SLC8A1: variants seen among roughly 807,000 people sequenced by gnomAD.
SLC8A1 encodes solute carrier family 8 member A1.
Under a neutral mutation model 68.3 loss-of-function variants are expected in SLC8A1, and 18 were observed. The observed-to-expected ratio is 0.26, with a 90% CI of 0.18 to 0.39. The LOEUF is 0.39. Among genes scored for constraint, SLC8A1 ranks in the 10% least tolerant of loss-of-function variants. The pLI is 1.00. For missense variants in SLC8A1, 985 were observed against 1,156.7 expected (o/e 0.85, Z 2.15); for synonymous variants, 475 against 415.5 (o/e 1.14, Z -1.74).
chr2:40,139,541 G>C, exon 7 of SLC8A1: 1 of 1,614,112 alleles, frequency 6.2e-7, no homozygotes, highest in Non-Finnish European at 8.5e-7. Context: ...AATGAAACAC[G>C]CCCAGCCATT....
chr2:40,459,259 G>C (rs775309041), intron 1 of SLC8A1, among the ~76,000 whole-genome samples: 2 of 152,218 alleles, frequency 1.3e-5, no homozygotes, highest in African/African-American at 2.4e-5. Flanking sequence ...TTTAGGGAAA[G>C]TACTAGTTTA....
intron 1 of SLC8A1, among the ~76,000 whole-genome samples, chr2:40,477,963 A>G (rs937162930): frequency 1.3e-5 from 2 of 152,242 alleles, no homozygotes; most frequent in Non-Finnish European, 2.9e-5. Flanking sequence ...AACTTCTCAG[A>G]AAAAGGTACT....
intron 2 of SLC8A1, among the ~76,000 whole-genome samples, chr2:40,418,335 C>T (rs574070771): frequency 1.3e-5 from 2 of 151,994 alleles, no homozygotes; most frequent in East Asian, 1.9e-4. Flanking sequence ...TAAATTACTT[C>T]CTAGAATATA....
chr2:40,150,534 C>T (rs1428073700), intron 6 of SLC8A1, among the ~76,000 whole-genome samples: 1 of 152,168 alleles, frequency 6.6e-6, no homozygotes, highest in Non-Finnish European at 1.5e-5. Context: ...CACATTGCAG[C>T]AGCCCATGCC....
At chr2:40,203,312 A>AAGAGC (rs2054763883) in intron 2 of SLC8A1, among the ~76,000 whole-genome samples, 1 of 152,014 alleles carries the variant, frequency 6.6e-6, no homozygotes, top group South Asian at 2.1e-4. Flanking sequence ...AAACAAATTA[A>AAGAGC]AGAGCATGGA....
At chr2:40,261,097 T>G (rs533377431) in intron 2 of SLC8A1, among the ~76,000 whole-genome samples, 1 of 152,184 alleles carries the variant, frequency 6.6e-6, no homozygotes, top group South Asian at 2.1e-4. Flanking sequence ...GCACTTGCTG[T>G]GTTGTGAAAA....
At chr2:40,252,541 C>G (rs536766918) in intron 2 of SLC8A1, among the ~76,000 whole-genome samples, 29 of 152,090 alleles carry the variant, frequency 1.9e-4, no homozygotes, top group African/African-American at 6.3e-4. Context: ...ACCATGTTGG[C>G]CAGGAGGGAC....
intron 2 of SLC8A1, among the ~76,000 whole-genome samples, chr2:40,374,523 T>G (rs1679184305): frequency 6.6e-6 from 1 of 152,038 alleles, no homozygotes; most frequent in African/African-American, 2.4e-5. Context: ...TAGGGGTGAC[T>G]TGATTACAGC....
At chr2:40,309,696 G>A (rs1385225961) in intron 2 of SLC8A1, among the ~76,000 whole-genome samples, 1 of 151,976 alleles carries the variant, frequency 6.6e-6, no homozygotes, top group Non-Finnish European at 1.5e-5. Flanking sequence ...AGTAGAGACA[G>A]GGTTTCACTA....
At chr2:40,502,175 C>T (rs1202032975) in intron 1 of SLC8A1, among the ~76,000 whole-genome samples, 1 of 152,056 alleles carries the variant, frequency 6.6e-6, no homozygotes, top group Non-Finnish European at 1.5e-5. Flanking sequence ...AACTTATAGT[C>T]ACTACAAAAC....
intron 2 of SLC8A1, among the ~76,000 whole-genome samples, chr2:40,334,176 A>G (rs973559244): frequency 2.6e-5 from 4 of 152,190 alleles, no homozygotes; most frequent in African/African-American, 9.6e-5. Context: ...GAGACTATCC[A>G]CCTGCCTTGT....
chr2:40,220,917 A>C (rs1372190753), intron 2 of SLC8A1, among the ~76,000 whole-genome samples: 1 of 152,050 alleles, frequency 6.6e-6, no homozygotes, highest in Non-Finnish European at 1.5e-5. Flanking sequence ...TCAGGACCAG[A>C]CAGATTCATA....
chr2:40,272,659 G>A (rs2066190589), intron 2 of SLC8A1, among the ~76,000 whole-genome samples: 1 of 152,240 alleles, frequency 6.6e-6, no homozygotes, highest in Non-Finnish European at 1.5e-5. Context: ...CACAGTTCGA[G>A]TTCCCAGGCA....
At chr2:40,121,158 C>T (rs2036684894) in intron 7 of SLC8A1, among the ~76,000 whole-genome samples, 1 of 152,200 alleles carries the variant, frequency 6.6e-6, no homozygotes, top group Admixed American at 6.5e-5. Flanking sequence ...TGACTGTATT[C>T]TCTCTCTTGG....
At chr2:40,362,455 G>T (rs1257649946) in intron 2 of SLC8A1, among the ~76,000 whole-genome samples, 2 of 151,942 alleles carry the variant, frequency 1.3e-5, no homozygotes, top group Non-Finnish European at 2.9e-5. Flanking sequence ...AATAAAGAAA[G>T]GAAGAAAGAA....
At chr2:40,367,329 A>G (rs1054649231) in intron 2 of SLC8A1, among the ~76,000 whole-genome samples, 2 of 152,020 alleles carry the variant, frequency 1.3e-5, no homozygotes, top group African/African-American at 4.8e-5. Flanking sequence ...GAATTCCCTG[A>G]CACTGACTGA....
intron 1 of SLC8A1, among the ~76,000 whole-genome samples, chr2:40,500,305 C>A (rs1264678747): frequency 1.3e-5 from 2 of 152,032 alleles, no homozygotes; most frequent in African/African-American, 4.8e-5. Context: ...GAGTTCCACT[C>A]ATATTGTGTT....
intron 2 of SLC8A1, among the ~76,000 whole-genome samples, chr2:40,280,646 T>C (rs941799801): frequency 2.0e-5 from 3 of 152,194 alleles, no homozygotes; most frequent in Non-Finnish European, 4.4e-5. Context: ...TTCTGGGGTC[T>C]TACACTTCAG....
chr2:40,153,229 G>A (rs2043794347), intron 6 of SLC8A1, among the ~76,000 whole-genome samples: 1 of 152,104 alleles, frequency 6.6e-6, no homozygotes, highest in South Asian at 2.1e-4. Flanking sequence ...TTATTTATGA[G>A]AATGAAGGGT....
Sources: allele counts gnomAD v4.1 joint callset (sites outside exome capture counted in the v4.1 genomes callset), GRCh38; gene constraint gnomAD v4.1.1; transcripts MANE v1.5; gene names NCBI Gene and HGNC (gene_info 2026-07-23, HGNC 2026-07-21).